AREL1: variants seen among roughly 807,000 people sequenced by gnomAD.
AREL1 encodes the protein apoptosis-resistant E3 ubiquitin protein ligase 1.
AREL1 carries 62 observed loss-of-function variants against 99.0 expected under a neutral mutation model. That is an observed-to-expected ratio of 0.63 (90% CI 0.51 to 0.77). The LOEUF (loss-of-function observed/expected upper bound fraction) is 0.77, where lower values mean the gene tolerates loss of function less well. Among genes scored for constraint, AREL1 ranks in the 30% least tolerant of loss-of-function variants. The pLI, the probability that AREL1 is intolerant of heterozygous loss-of-function variation, is 0.00. For missense variants in AREL1, 879 were observed against 1,027.6 expected, an observed-to-expected ratio of 0.86 and a Z score of 1.98; for synonymous variants, 380 against 376.5, an observed-to-expected ratio of 1.01 and a Z score of -0.11.
intron 1 of AREL1, among the ~76,000 whole-genome samples, chr14:74,702,282 C>T (rs1241290421): frequency 1.3e-5 from 2 of 152,264 alleles, no homozygotes; most frequent in Admixed American, 6.5e-5. Flanking sequence ...CAGACTTCTG[C>T]CTGAACATTC....
intron 15 of AREL1, among the ~76,000 whole-genome samples, 176 bp from the exon 16 acceptor site, chr14:74,667,770 C>T (rs2089241234): frequency 6.6e-6 from 1 of 152,212 alleles, no homozygotes; most frequent in African/African-American, 2.4e-5. Context: ...TCCTAAGCTT[C>T]AGGGTTCCTA....
chr14:74,664,154 C>A, intron 18 of AREL1, 80 bp from the exon 19 acceptor site: 3 of 1,485,968 alleles, frequency 2.0e-6, no homozygotes, highest in African/African-American at 1.4e-5. Flanking sequence ...ACAAGATACA[C>A]TAAAGTGGGG....
intron 18 of AREL1, among the ~76,000 whole-genome samples, chr14:74,664,385 T>C (rs2089159911): frequency 1.3e-5 from 2 of 150,754 alleles, no homozygotes; most frequent in South Asian, 2.1e-4. Context: ...CCATGCATCA[T>C]TTTTTTTTCC....
intron 1 of AREL1, among the ~76,000 whole-genome samples, chr14:74,700,292 G>A (rs1432326981): frequency 6.6e-6 from 1 of 152,226 alleles, no homozygotes; most frequent in African/African-American, 2.4e-5. Context: ...TTAGGAAACA[G>A]AAGCACAGAA....
chr14:74,712,337 A>G (rs1211758799), intron 1 of AREL1, among the ~76,000 whole-genome samples: 1 of 152,194 alleles, frequency 6.6e-6, no homozygotes, highest in Non-Finnish European at 1.5e-5. Context: ...AATCTCATTA[A>G]GTGTATTACA....
At position 74,671,390 on chromosome 14, in the gene AREL1, TA is replaced by T. The variant is rs2089341237; in HGVS notation, c.1498+17del. 2 of 1,136,832 alleles carry T rather than the reference TA, an allele frequency of 1.8e-6. No homozygotes were observed. The highest frequency in any genetic ancestry group is 1.4e-5 in the South Asian group (1 of 73,516). The allele number at this position is 1,136,832 out of a possible 1,614,324, so 70.4% of individuals were successfully genotyped here. ...GGAGGAGAGTTCAAAAAGATGAATA[TA>T]AAATTTCAAAACTGACCTTCTTCAT... On this transcript the variant is annotated intron_variant, in intron 12 of 19. Transcript: ENST00000356357.
intron 8 of AREL1, among the ~76,000 whole-genome samples, chr14:74,675,032 A>AT (rs1234379356): frequency 6.6e-6 from 1 of 152,224 alleles, no homozygotes; most frequent in Admixed American, 6.5e-5. Context: ...TGTTTTCTTG[A>AT]TAAAAAAAAG....
chr14:74,678,695 CAA>C (rs71119311), intron 5 of AREL1, among the ~76,000 whole-genome samples: 19,658 of 95,694 alleles, frequency 0.21, 1,296 homozygotes, highest in South Asian at 0.33. Context: ...CATGTATAAG[CAA>C]AAAAAAAAAA....
chr14:74,663,618 T>C lies in AREL1; in HGVS notation c.*102A>G. The C allele has an allele frequency of 8.2e-7, 1 of 1,216,990 alleles. No individual in the cohort carries two copies. The highest frequency in any genetic ancestry group is 1.2e-6 in the Non-Finnish European group (1 of 823,598). 75.4% of individuals were successfully genotyped at this position (1,216,990 alleles called of 1,614,324 possible). A position where few individuals can be genotyped will look rare whatever the true frequency, so the allele number is the denominator to read the frequency against. On this transcript the variant is annotated 3_prime_UTR_variant, in exon 20 of 20. Coordinates refer to ENST00000356357, the MANE Select transcript of AREL1 (RefSeq NM_001039479.2). The stretch of plus-strand genomic sequence containing the variant: ...ACACAGGGGAGCATGCGGCATCTTC[T>C]GGCTGATGGTTATGTGTGTTAGGAT...
intron 5 of AREL1, among the ~76,000 whole-genome samples, chr14:74,679,390 C>G (rs972380370): frequency 1.3e-5 from 2 of 151,984 alleles, no homozygotes; most frequent in African/African-American, 4.8e-5. Context: ...CTACTGCACG[C>G]CATCATGGGT....
intron 5 of AREL1, among the ~76,000 whole-genome samples, chr14:74,681,503 G>A (rs1024527423): frequency 4.6e-5 from 7 of 151,712 alleles, no homozygotes; most frequent in Non-Finnish European, 8.8e-5. Context: ...GGGCAGGTAC[G>A]GTGGCTCATG....
chr14:74,688,337 T>G (rs2089795362), intron 2 of AREL1, among the ~76,000 whole-genome samples: 1 of 152,088 alleles, frequency 6.6e-6, no homozygotes, highest in Admixed American at 6.6e-5. Context: ...GAGTACTTAC[T>G]CAATGTGCCA....
intron 2 of AREL1, among the ~76,000 whole-genome samples, chr14:74,688,028 T>A (rs1282991440): frequency 4.0e-4 from 58 of 143,884 alleles, no homozygotes; most frequent in African/African-American, 1.5e-3. Flanking sequence ...ACTTTTTTTT[T>A]TTTTTTTTTT....
At chr14:74,668,311 G>C (rs2089253956) in intron 15 of AREL1, among the ~76,000 whole-genome samples, 3 of 152,310 alleles carry the variant, frequency 2.0e-5, no homozygotes, top group African/African-American at 7.2e-5. Flanking sequence ...AGGAATATTT[G>C]TGTAGAGTGA....
chr14:74,675,966 A>C lies in AREL1; in HGVS notation c.833-20T>G. On this transcript the variant is annotated intron_variant, in intron 7 of 19. Coordinates refer to ENST00000356357, the MANE Select transcript of AREL1 (RefSeq NM_001039479.2). ...CATCCTCTGAAGTATAATAAGGAAT[A>C]AGGTTTAAAGTAGAAGTCAGAGAAG... 1 of 1,562,762 alleles carries C rather than the reference A, an allele frequency of 6.4e-7. No individual in the cohort carries two copies.
intron 18 of AREL1, 105 bp from the exon 19 acceptor site, chr14:74,664,179 C>A: frequency 7.8e-7 from 1 of 1,288,112 alleles, no homozygotes; most frequent in South Asian, 1.5e-5. Context: ...GCCCCAGTTA[C>A]CGTTCTATGA....
Position 74,685,652 on chromosome 14 carries a change from C to T in AREL1, c.-37G>A, listed in dbSNP as rs745834411. 2 of 1,613,692 alleles carry T rather than the reference C, an allele frequency of 1.2e-6. No individual in the cohort carries two copies. The highest frequency in any genetic ancestry group is 1.1e-5 in the South Asian group (1 of 91,040). ...AATGCCAACAGACAGCCGAGGATCA[C>T]AGCTGCAGCTGTTAAAAGAAAACTT... is the stretch of plus-strand genomic sequence containing the variant. On this transcript the variant is annotated 5_prime_UTR_variant, in exon 3 of 20. The change creates a new upstream start codon in the 5' untranslated region. Transcript: ENST00000356357.
At chr14:74,675,419 A>G (rs1226123269) in intron 8 of AREL1, among the ~76,000 whole-genome samples, 1 of 152,208 alleles carries the variant, frequency 6.6e-6, no homozygotes, top group Admixed American at 6.5e-5. Context: ...CCTCTGCCAA[A>G]ATTTCTTTAC....
intron 1 of AREL1, among the ~76,000 whole-genome samples, chr14:74,704,909 C>T (rs2090148425): frequency 6.6e-6 from 1 of 152,186 alleles, no homozygotes; most frequent in Non-Finnish European, 1.5e-5. Context: ...ATCCTCTCGT[C>T]AAATTTTTTA....
Sources: gnomAD v4.1 joint callset for allele counts (sites outside exome capture counted in the v4.1 genomes callset) on GRCh38, gnomAD v4.1.1 for gene constraint, MANE v1.5 for transcripts, NCBI Gene and HGNC (gene_info 2026-07-23, HGNC 2026-07-21) for gene names.